Variants in PCDHGA2 observed in about 807,000 individuals in gnomAD.
PCDHGA2 encodes protocadherin gamma subfamily A, 2, also known as protocadherin gamma-A2.
PCDHGA2 carries 40 observed loss-of-function variants against 59.2 expected under a neutral mutation model. The ratio of observed to expected loss-of-function variants is 0.68; its 90% confidence interval spans 0.52 to 0.88. PCDHGA2 has a LOEUF of 0.88. PCDHGA2 is among the 40% of genes least tolerant of loss of function. The pLI is 0.00. For synonymous variants in PCDHGA2, 560 were observed against 526.0 expected (o/e 1.06, Z -0.89); for missense variants, 1,226 against 1,204.0 (o/e 1.02, Z -0.27).
chr5:141,347,147 C>CTTTCTTTCTTTCTTTT (rs1757906217), intron 1 of PCDHGA2, among the ~76,000 whole-genome samples: 2 of 129,464 alleles, frequency 1.5e-5, no homozygotes, highest in African/African-American at 5.9e-5. Flanking sequence ...CTCTTTCTTT[C>CTTTCTTTCTTTCTTTT]TTTCTTTCTT....
At chr5:141,446,447 A>G (rs2098502204) in intron 1 of PCDHGA2, among the ~76,000 whole-genome samples, 1 of 151,946 alleles carries the variant, frequency 6.6e-6, no homozygotes, top group Non-Finnish European at 1.5e-5. Context: ...AACAGTGCAG[A>G]TATTCAGTGT....
At chr5:141,478,016 G>A (rs1204231648) in intron 1 of PCDHGA2, 1 of 1,614,108 alleles carries the variant, frequency 6.2e-7, no homozygotes, top group Non-Finnish European at 8.5e-7. Context: ...TGCCCGTCCA[G>A]TCCAAGACAC....
intron 2 of PCDHGA2, among the ~76,000 whole-genome samples, chr5:141,500,020 T>A (rs905529317): frequency 6.6e-6 from 1 of 151,918 alleles, no homozygotes; most frequent in Non-Finnish European, 1.5e-5. Flanking sequence ...ACATTTTATA[T>A]TTGAGTGAGT....
At chr5:141,342,488 T>C (rs1358159096) in intron 1 of PCDHGA2, 2 of 152,240 alleles carry the variant, frequency 1.3e-5, no homozygotes, top group Non-Finnish European at 2.9e-5. Flanking sequence ...AGCCTTTTAT[T>C]GAATGATACC....
At chr5:141,346,639 T>C (rs1187745248) in intron 1 of PCDHGA2, 7 of 887,352 alleles carry the variant, frequency 7.9e-6, no homozygotes, top group South Asian at 1.9e-5. Context: ...CTGGTTATGG[T>C]TGAGTGGGCT....
intron 1 of PCDHGA2, chr5:141,405,167 C>T (rs926303279): frequency 7.4e-6 from 12 of 1,614,002 alleles, no homozygotes; most frequent in African/African-American, 1.3e-5. Flanking sequence ...GCCCACCTCA[C>T]ACTTTGTGGG....
intron 1 of PCDHGA2, chr5:141,404,077 C>T: frequency 6.2e-7 from 1 of 1,613,742 alleles, no homozygotes; most frequent in East Asian, 2.2e-5. Flanking sequence ...ATGACCGAGA[C>T]TCCGGGAAGA....
At chr5:141,480,871 C>T (rs1262582761) in intron 1 of PCDHGA2, among the ~76,000 whole-genome samples, 1 of 151,930 alleles carries the variant, frequency 6.6e-6, no homozygotes, top group Non-Finnish European at 1.5e-5. Context: ...ATGGTGAAAC[C>T]CCGTCTCTAC....
In PCDHGA2 at chr5:141,418,992, A is replaced by G. The variant is rs554523363; in HGVS notation, c.2425-75815A>G. 28 of 1,613,802 alleles carry G rather than the reference A, an allele frequency of 1.7e-5. No individual in the cohort carries two copies. The African/African-American group carries it at 2.7e-4, about 15-fold the overall frequency. On this transcript the variant is annotated intron_variant, in intron 1 of 3. Coordinates refer to ENST00000394576, the MANE Select transcript of PCDHGA2 (RefSeq NM_018915.4). Reference sequence around the variant, plus strand: ...AAAACACGGGACCAAGACTCAGGGGAAAATGGGGAAGTCAGGTGTAGCTTA... The same window carrying G: ...AAAACACGGGACCAAGACTCAGGGGGAAATGGGGAAGTCAGGTGTAGCTTA...
At chr5:141,356,700 T>A in intron 1 of PCDHGA2, 1 of 1,614,002 alleles carries the variant, frequency 6.2e-7, no homozygotes, top group Non-Finnish European at 8.5e-7. Flanking sequence ...AGGGTGCACC[T>A]CTGTCCTCCT....
chr5:141,498,703 G>A (rs961006063), intron 2 of PCDHGA2, among the ~76,000 whole-genome samples: 7 of 152,228 alleles, frequency 4.6e-5, no homozygotes, highest in Non-Finnish European at 8.8e-5. Flanking sequence ...AGGCTGAGGT[G>A]GGTGGATCAC....
intron 1 of PCDHGA2, chr5:141,478,289 G>A (rs1210628852): frequency 1.2e-6 from 2 of 1,614,146 alleles, no homozygotes; most frequent in African/African-American, 2.7e-5. Context: ...GCAGTCTAGA[G>A]ACCTATACCG....
intron 1 of PCDHGA2, chr5:141,398,400 C>T: frequency 6.8e-7 from 1 of 1,465,224 alleles, no homozygotes; most frequent in Non-Finnish European, 9.5e-7. Context: ...GCAGGCTAGA[C>T]AGGGAGGAGA....
chr5:141,382,603 T>C, intron 1 of PCDHGA2: 1 of 269,778 alleles, frequency 3.7e-6, no homozygotes, highest in Non-Finnish European at 6.9e-6. Flanking sequence ...AACAATTTTC[T>C]ATGAAATCAG....
intron 1 of PCDHGA2, chr5:141,415,377 C>A: frequency 1.2e-6 from 2 of 1,614,236 alleles, no homozygotes; most frequent in Non-Finnish European, 1.7e-6. Flanking sequence ...CTTCAGGAGG[C>A]GGCTTGACAG....
chr5:141,384,419 T>G, intron 1 of PCDHGA2: 1 of 1,613,944 alleles, frequency 6.2e-7, no homozygotes, highest in Non-Finnish European at 8.5e-7. Context: ...TATGTCTCCA[T>G]AAACTCTGAC....
intron 1 of PCDHGA2, 96 bp from the exon 2 acceptor site, chr5:141,494,711 A>G (rs757105958): frequency 6.3e-7 from 1 of 1,599,616 alleles, no homozygotes; most frequent in Non-Finnish European, 8.5e-7. Flanking sequence ...CTCTGTGCCC[A>G]CTCCCCTCCT....
intron 1 of PCDHGA2, chr5:141,361,306 A>C (rs751243167): frequency 6.2e-7 from 1 of 1,613,858 alleles, no homozygotes; most frequent in African/African-American, 1.3e-5. Context: ...GGGAAATGCC[A>C]AGTTTATTTT....
intron 1 of PCDHGA2, chr5:141,384,055 A>G (rs764578426): frequency 7.5e-6 from 12 of 1,610,418 alleles, no homozygotes; most frequent in Non-Finnish European, 1.0e-5. Context: ...GACCTGCACC[A>G]TTCCAGAAAA....
Sources: allele counts gnomAD v4.1 joint callset (sites outside exome capture counted in the v4.1 genomes callset), GRCh38; gene constraint gnomAD v4.1.1; transcripts MANE v1.5; gene names NCBI Gene and HGNC (gene_info 2026-07-23, HGNC 2026-07-21).